MTIF3: variants seen among roughly 807,000 people sequenced by gnomAD.
MTIF3 encodes the protein mitochondrial translational initiation factor 3.
In MTIF3, 13 loss-of-function variants were observed where a neutral mutation model predicts 20.7. The ratio of observed to expected loss-of-function variants is 0.63; its 90% CI spans 0.41 to 1.00. The LOEUF is 1.00. MTIF3 is among the 50% of genes least tolerant of loss of function. MTIF3 has a pLI of 0.00. For missense variants in MTIF3, 295 were observed against 324.5 expected (o/e 0.91, Z 0.70); for synonymous variants, 114 against 112.5 (o/e 1.01, Z -0.08).
chr13:27,439,862 TG>T, intron 3 of MTIF3, 126 bp downstream of exon 3: 1 of 770,778 alleles, frequency 1.3e-6, no homozygotes, highest in Non-Finnish European at 2.1e-6. Flanking sequence ...CTGGGAATGG[TG>T]GTTGAATCAT....
chr13:27,445,515 C>T (rs146493118), intron 1 of MTIF3, among the ~76,000 whole-genome samples: 87 of 151,924 alleles, frequency 5.7e-4, no homozygotes, highest in Admixed American at 2.6e-3. Flanking sequence ...CCAACCCCAA[C>T]GAAACTACTG....
At chr13:27,447,947 ATTT>A (rs1484265586) in intron 1 of MTIF3, among the ~76,000 whole-genome samples, 5 of 151,992 alleles carry the variant, frequency 3.3e-5, no homozygotes, top group Non-Finnish European at 2.9e-5. Context: ...TTATTTATTT[ATTT>A]ATTTTTGGCT....
intron 1 of MTIF3, among the ~76,000 whole-genome samples, chr13:27,447,934 CCTTT>C (rs1488845199): frequency 2.0e-5 from 3 of 151,968 alleles, no homozygotes; most frequent in African/African-American, 7.3e-5. Flanking sequence ...TAGGCTGTTC[CCTTT>C]ATTTATTTAT....
intron 3 of MTIF3, among the ~76,000 whole-genome samples, chr13:27,438,303 G>A (rs1159925760): frequency 8.0e-6 from 1 of 125,668 alleles, no homozygotes; most frequent in African/African-American, 3.0e-5. Flanking sequence ...GAGCAACATA[G>A]CGAGACCCCA....
rs923063231 is a variant in MTIF3, at chr13:27,449,409, T to G, written c.-71+1100A>C. Reference sequence around the variant, plus strand: ...CACCTTAAATAAAACTGCCCCGAGATTAAAGATCTACACCTTCGCCAGGCC... The same window carrying G: ...CACCTTAAATAAAACTGCCCCGAGAGTAAAGATCTACACCTTCGCCAGGCC... On this transcript the variant is annotated intron_variant, in intron 1 of 4. Coordinates refer to ENST00000381120, the MANE Select transcript of MTIF3 (RefSeq NM_152912.5). 8.7e-5 allele frequency among the ~76,000 whole-genome samples: 11 copies of G among 126,940 alleles called. 1 individual carries two copies. The East Asian group carries it at 1.6e-3, about 19-fold the overall frequency. 83.3% of individuals were successfully genotyped at this position (126,940 alleles called of 152,430 possible).
chr13:27,438,509 T>TTTTAA (rs1555259812), intron 3 of MTIF3, among the ~76,000 whole-genome samples: 1 of 123,702 alleles, frequency 8.1e-6, no homozygotes, highest in African/African-American at 2.9e-5. Context: ...TTTTTTTTTT[T>TTTTAA]AAACACAGGG....
chr13:27,442,349 G>A (rs574542275), intron 2 of MTIF3, among the ~76,000 whole-genome samples: 3 of 152,182 alleles, frequency 2.0e-5, no homozygotes, highest in African/African-American at 4.8e-5. Flanking sequence ...AAACCGCCGC[G>A]CCGCTCAACT....
chr13:27,447,421 C>T lies in MTIF3; in HGVS notation c.-70-2265G>A, dbSNP rs78681253. 4.1e-3 allele frequency among the ~76,000 whole-genome samples: 622 copies of T among 152,200 alleles called. 1 individual carries two copies. Among genetic ancestry groups the T allele is most frequent in the African/African-American group, 0.014 (578 of 41,526 alleles). On this transcript the variant is annotated intron_variant, in intron 1 of 4. Transcript: ENST00000381120. ...GACTAACTCAAAATAGAAACAAACGCTTACGTTCTTATGATAATCCTGTTG... is the reference window on the plus strand; with the variant it reads ...GACTAACTCAAAATAGAAACAAACGTTTACGTTCTTATGATAATCCTGTTG...
chr13:27,435,965 C>A, intron 4 of MTIF3, 72 bp from the exon 5 acceptor site: 1 of 1,313,624 alleles, frequency 7.6e-7, no homozygotes. Flanking sequence ...TCTGCTTGAA[C>A]ATTCACAAAA....
intron 1 of MTIF3, among the ~76,000 whole-genome samples, chr13:27,448,493 G>A (rs564940755): frequency 3.4e-4 from 52 of 152,270 alleles, no homozygotes; most frequent in African/African-American, 1.2e-3. Flanking sequence ...GAGGGCCTGC[G>A]CTACCGTTAC....
At position 27,450,538 on chromosome 13, in the gene MTIF3, T is replaced by A. The variant is rs1342020841; in HGVS notation, c.-100A>T. The A allele has an allele frequency of 6.6e-6, 1 of 152,144 alleles. No homozygotes were observed. The highest frequency in any genetic ancestry group is 2.4e-5 in the African/African-American group (1 of 41,308). The allele number at this position is 152,144 out of a possible 1,614,324, so 9.4% of individuals were successfully genotyped here. On this transcript the variant is annotated 5_prime_UTR_variant, in exon 1 of 5. Coordinates refer to ENST00000381120, the MANE Select transcript of MTIF3 (RefSeq NM_152912.5). Reference sequence around the variant, plus strand: ...GCTGGGGCAAGCGATTGACATACTGTAGCGGACGCAAGTACAGCGGATCTG... The same window carrying A: ...GCTGGGGCAAGCGATTGACATACTGAAGCGGACGCAAGTACAGCGGATCTG...
At chr13:27,445,980 A>G (rs1593200254) in intron 1 of MTIF3, among the ~76,000 whole-genome samples, 1 of 152,316 alleles carries the variant, frequency 6.6e-6, no homozygotes, top group African/African-American at 2.4e-5. Flanking sequence ...TTTTGCTGAA[A>G]AGAAATGTTG....
At chr13:27,448,805 G>A (rs1954260101) in intron 1 of MTIF3, among the ~76,000 whole-genome samples, 1 of 152,178 alleles carries the variant, frequency 6.6e-6, no homozygotes. Context: ...TGGGGAGGCT[G>A]AGGAAGGCAG....
In MTIF3 at chr13:27,445,588, G is replaced by A. The variant is rs57758544; in HGVS notation, c.-70-432C>T. 6.6e-3 allele frequency among the ~76,000 whole-genome samples: 1,004 copies of A among 152,302 alleles called. 14 individuals carry two copies. The highest frequency in any genetic ancestry group is 0.024 in the African/African-American group (978 of 41,552). On this transcript the variant is annotated intron_variant, in intron 1 of 4. Coordinates refer to ENST00000381120, the MANE Select transcript of MTIF3 (RefSeq NM_152912.5). ...CACAAACAGATTACTTTCAGACTGAGAGGGAAAAGCACACTCTGCTGAGGG... is the reference window on the plus strand; with the variant it reads ...CACAAACAGATTACTTTCAGACTGAAAGGGAAAAGCACACTCTGCTGAGGG...
Position 27,437,209 on chromosome 13 carries a change from C to A in MTIF3, c.525G>T (p.Lys175Asn). The change falls in exon 4 of 5, where the codon AAG becomes AAT. Residue 175 changes from lysine (K) to asparagine (N), a missense_variant. Physicochemically the swap from Lys to Asn is moderately conservative, Grantham distance 94. Coordinates refer to ENST00000381120, the MANE Select transcript of MTIF3 (RefSeq NM_152912.5). ...TAATCCACTGCTGAATCTGTTTAGT[C>A]TTTGTGTCCAAATCATGTTGTCCAA... ...SNIGQHDLDT[K>N]TKQIQQWIKK... 1 of 1,614,012 alleles carries A rather than the reference C, an allele frequency of 6.2e-7. No homozygotes were observed. The highest frequency in any genetic ancestry group is 8.5e-7 in the Non-Finnish European group (1 of 1,179,980).
At chr13:27,439,846 C>CA (rs1361393893) in intron 3 of MTIF3, 143 bp downstream of exon 3, 37 of 711,316 alleles carry the variant, frequency 5.2e-5, no homozygotes, top group South Asian at 1.9e-5. Context: ...GGAGGAAAGA[C>CA]AGACACTGGG....
In MTIF3 at chr13:27,440,213, C is replaced by T; in HGVS notation, c.236G>A (p.Gly79Glu). 2 of 1,614,194 alleles carry T rather than the reference C, an allele frequency of 1.2e-6. No homozygotes were observed. Among genetic ancestry groups the T allele is most frequent in the Non-Finnish European group, 1.7e-6 (2 of 1,180,034 alleles). The change falls in exon 3 of 5, where the codon GGA becomes GAA. Residue 79 changes from glycine to glutamate, a missense_variant. By Grantham distance (98) the Gly-to-Glu change is moderately conservative (BLOSUM62 -2). Transcript: ENST00000381120. ...KKNKTAFSNV[G>E]RKISQRVIHL... Reference sequence around the variant, plus strand: ...AATAACTCGCTGACTAATTTTTCTTCCAACGTTACTAAAAGCTGTTTTATT... The same window carrying T: ...AATAACTCGCTGACTAATTTTTCTTTCAACGTTACTAAAAGCTGTTTTATT...
At chr13:27,439,846 C>T (rs1566083150) in intron 3 of MTIF3, 143 bp downstream of exon 3, 3 of 711,434 alleles carry the variant, frequency 4.2e-6, no homozygotes, top group East Asian at 5.4e-5. Flanking sequence ...GGAGGAAAGA[C>T]AGACACTGGG....
At chr13:27,449,243 A>G (rs956930713) in intron 1 of MTIF3, among the ~76,000 whole-genome samples, 2 of 152,072 alleles carry the variant, frequency 1.3e-5, no homozygotes, top group Non-Finnish European at 2.9e-5. Context: ...GAATCCATCC[A>G]GTCCTCTCCG....
Sources: gnomAD v4.1 joint callset for allele counts (sites outside exome capture counted in the v4.1 genomes callset) on GRCh38, gnomAD v4.1.1 for gene constraint, MANE v1.5 for transcripts, NCBI Gene and HGNC (gene_info 2026-07-23, HGNC 2026-07-21) for gene names.